MTPN: variants seen among roughly 807,000 people sequenced by gnomAD.
MTPN encodes myotrophin, also known as granule cell differentiation protein.
Under a neutral mutation model 13.5 loss-of-function variants are expected in MTPN, and 2 were observed. That is an observed-to-expected ratio of 0.15 (90% CI 0.06 to 0.47). The LOEUF is 0.47. MTPN is among the 20% of genes least tolerant of loss of function. MTPN has a pLI of 0.97. For missense variants in MTPN, 79 were observed against 137.9 expected, an observed-to-expected ratio of 0.57 and a Z score of 2.14; for synonymous variants, 46 against 51.7, an observed-to-expected ratio of 0.89 and a Z score of 0.48.
intron 1 of MTPN, among the ~76,000 whole-genome samples, chr7:135,972,211 G>A (rs1481959107): frequency 1.0e-4 from 9 of 86,576 alleles, no homozygotes; most frequent in African/African-American, 2.6e-4. Context: ...AAATACACAC[G>A]CGCACACGCG....
chr7:135,932,580 CTTCTA>C (rs1236964803), intron 3 of MTPN: 3 of 151,890 alleles, frequency 2.0e-5, no homozygotes, highest in Non-Finnish European at 2.9e-5. Flanking sequence ...TCCTTCTACT[CTTCTA>C]TTCTAAATAT....
chr7:135,937,202 A>G (rs1799128107), intron 3 of MTPN, among the ~76,000 whole-genome samples: 1 of 152,208 alleles, frequency 6.6e-6, no homozygotes, highest in Middle Eastern at 3.2e-3. Context: ...CATTATCTTG[A>G]CAAGAGGCTT....
At chr7:135,951,706 T>G in intron 1 of MTPN, 76 bp from the exon 2 acceptor site, 1 of 900,814 alleles carries the variant, frequency 1.1e-6, no homozygotes, top group Non-Finnish European at 1.7e-6. Context: ...ACCTGATACT[T>G]TTACTTTCTT....
At chr7:135,938,231 T>C (rs1235738930) in intron 3 of MTPN, among the ~76,000 whole-genome samples, 1 of 152,210 alleles carries the variant, frequency 6.6e-6, no homozygotes, top group Non-Finnish European at 1.5e-5. Context: ...CTGTGTGTTA[T>C]CTCTACATAT....
intron 1 of MTPN, among the ~76,000 whole-genome samples, chr7:135,956,347 G>A (rs569885496): frequency 6.6e-6 from 1 of 152,276 alleles, no homozygotes; most frequent in Admixed American, 6.5e-5. Context: ...ACCAGTTACA[G>A]AAAAAAATGA....
At chr7:135,957,869 C>G (rs1435449133) in intron 1 of MTPN, among the ~76,000 whole-genome samples, 1 of 152,100 alleles carries the variant, frequency 6.6e-6, no homozygotes, top group Non-Finnish European at 1.5e-5. Context: ...CACCTGGCTC[C>G]CCTTCATTTT....
intron 1 of MTPN, among the ~76,000 whole-genome samples, chr7:135,961,274 G>A (rs550655124): frequency 1.3e-3 from 197 of 151,734 alleles, no homozygotes; most frequent in Non-Finnish European, 2.4e-3. Context: ...TGAGCCTATA[G>A]ATTATAAGAA....
At position 135,927,386 on chromosome 7, in the gene MTPN, C is replaced by T. The variant is rs533779039; in HGVS notation, c.*2540G>A. The T allele has an allele frequency of 3.0e-5, 47 of 1,549,566 alleles. No individual in the cohort carries two copies. The South Asian group carries it at 5.5e-4, about 18-fold the overall frequency. On this transcript the variant is annotated 3_prime_UTR_variant, in exon 4 of 4. Transcript: ENST00000393085. ...CTGCAAGGGAGACTTTGTTAGTACACTACTATAAACAGGTAAACTACCTGT... is the reference window on the plus strand; with the variant it reads ...CTGCAAGGGAGACTTTGTTAGTACATTACTATAAACAGGTAAACTACCTGT...
At chr7:135,948,327 T>G (rs907468594) in intron 3 of MTPN, among the ~76,000 whole-genome samples, 6 of 151,936 alleles carry the variant, frequency 3.9e-5, no homozygotes, top group African/African-American at 1.5e-4. Context: ...AAGAAGAAAA[T>G]CTCTTTCATA....
At chr7:135,970,554 T>G (rs2116409903) in intron 1 of MTPN, among the ~76,000 whole-genome samples, 1 of 152,294 alleles carries the variant, frequency 6.6e-6, no homozygotes, top group Non-Finnish European at 1.5e-5. Flanking sequence ...GATATTTTAC[T>G]TTATTCAATA....
intron 3 of MTPN, among the ~76,000 whole-genome samples, chr7:135,934,303 A>G (rs1453394907): frequency 1.3e-5 from 2 of 152,156 alleles, no homozygotes; most frequent in African/African-American, 4.8e-5. Flanking sequence ...AAGGTCATCT[A>G]AGGACCTAAG....
Position 135,927,647 on chromosome 7 carries a change from C to G in MTPN, c.*2279G>C, listed in dbSNP as rs1357480902. 3.2e-6 allele frequency: 2 copies of G among 627,292 alleles called. No individual in the cohort carries two copies. The highest frequency in any genetic ancestry group is 1.8e-5 in the African/African-American group (1 of 54,988). 38.9% of individuals were successfully genotyped at this position (627,292 alleles called of 1,614,324 possible). On this transcript the variant is annotated 3_prime_UTR_variant, in exon 4 of 4. Transcript: ENST00000393085. ...GGTTCAGAAATACATTATAAATAAC[C>G]TAGTTAAAAAAAGAAACTGTGAACC...
rs769213429 is a variant in MTPN at position 135,927,031 on chromosome 7, C to G, written c.*2895G>C. 6.8e-6 allele frequency: 2 copies of G among 292,496 alleles called. No individual in the cohort carries two copies. Among genetic ancestry groups the G allele is most frequent in the Non-Finnish European group, 1.3e-5 (2 of 159,376 alleles). 18.1% of individuals were successfully genotyped at this position (292,496 alleles called of 1,614,324 possible). A position where few individuals can be genotyped will look rare whatever the true frequency, so the allele number is the denominator to read the frequency against. On this transcript the variant is annotated 3_prime_UTR_variant, in exon 4 of 4. Transcript: ENST00000393085. ...TTTTTTATATTTTGCATGCAAAACACTGCAATTGCTTATTTATGTAGGAGG... is the reference window on the plus strand; with the variant it reads ...TTTTTTATATTTTGCATGCAAAACAGTGCAATTGCTTATTTATGTAGGAGG...
Position 135,927,665 on chromosome 7 carries a change from T to C in MTPN, c.*2261A>G, listed in dbSNP as rs1251338254. 5.0e-6 allele frequency: 3 copies of C among 598,424 alleles called. No individual in the cohort carries two copies. The highest frequency in any genetic ancestry group is 9.6e-6 in the Non-Finnish European group (3 of 312,564). The allele number at this position is 598,424 out of a possible 1,614,324, so 37.1% of individuals were successfully genotyped here. A position where few individuals can be genotyped will look rare whatever the true frequency, so the allele number is the denominator to read the frequency against. ...AAATAACCTAGTTAAAAAAAGAAAC[T>C]GTGAACCATCTTGGTCAGTCTATTC... is the stretch of plus-strand genomic sequence containing the variant. On this transcript the variant is annotated 3_prime_UTR_variant, in exon 4 of 4. Coordinates refer to ENST00000393085, the MANE Select transcript of MTPN (RefSeq NM_145808.4).
chr7:135,956,195 G>A (rs1468701627), intron 1 of MTPN, among the ~76,000 whole-genome samples: 1 of 152,200 alleles, frequency 6.6e-6, no homozygotes, highest in African/African-American at 2.4e-5. Flanking sequence ...AGGTCCAATA[G>A]TGGTGATGAA....
At chr7:135,941,777 G>C (rs138487353) in intron 3 of MTPN, among the ~76,000 whole-genome samples, 112 of 152,016 alleles carry the variant, frequency 7.4e-4, no homozygotes, top group African/African-American at 2.6e-3. Context: ...ATCATTTCAA[G>C]GTTTCAGAGA....
In MTPN at chr7:135,933,692, A is replaced by G. The variant is rs1799065668; in HGVS notation, c.271-3680T>C. On this transcript the variant is annotated intron_variant, in intron 3 of 3. Transcript: ENST00000393085. ...CTATGCAATCCTCACAAATGACTGAATCAGAAGGTAACACTTACAGTAACA... is the reference window on the plus strand; with the variant it reads ...CTATGCAATCCTCACAAATGACTGAGTCAGAAGGTAACACTTACAGTAACA... 2.0e-5 allele frequency among the ~76,000 whole-genome samples: 3 copies of G among 152,222 alleles called. No homozygotes were observed. The South Asian group carries it at 6.2e-4, about 31-fold the overall frequency.
At position 135,927,412 on chromosome 7, in the gene MTPN, TTG is replaced by T. The variant is rs1798937330; in HGVS notation, c.*2512_*2513del. 2 of 1,548,102 alleles carry T rather than the reference TTG, an allele frequency of 1.3e-6. No homozygotes were observed. Among genetic ancestry groups the T allele is most frequent in the Non-Finnish European group, 1.7e-6 (2 of 1,145,600 alleles). The stretch of plus-strand genomic sequence containing the variant: ...TACTATAAACAGGTAAACTACCTGT[TTG>T]TACTTGATATAGTGCATATGAAATG... On this transcript the variant is annotated 3_prime_UTR_variant, in exon 4 of 4. Coordinates refer to ENST00000393085, the MANE Select transcript of MTPN (RefSeq NM_145808.4).
chr7:135,949,212 A>G (rs1345097004), intron 3 of MTPN, among the ~76,000 whole-genome samples: 1 of 152,218 alleles, frequency 6.6e-6, no homozygotes, highest in South Asian at 2.1e-4. Context: ...TACAATATTG[A>G]AATTATATAA....
Sources: allele counts gnomAD v4.1 joint callset (sites outside exome capture counted in the v4.1 genomes callset), GRCh38; gene constraint gnomAD v4.1.1; transcripts MANE v1.5; gene names NCBI Gene and HGNC (gene_info 2026-07-23, HGNC 2026-07-21).